ATP7B: variants seen among roughly 807,000 people sequenced by gnomAD.
ATP7B encodes ATPase copper transporting beta.
ATP7B carries 113 observed loss-of-function variants against 118.9 expected under a neutral mutation model. That is an observed-to-expected ratio of 0.95 (90% CI 0.82 to 1.11). The LOEUF (loss-of-function observed/expected upper bound fraction) is 1.11. Ranked by LOEUF, ATP7B falls within the 50% of genes most tolerant of loss-of-function variation. The pLI, the probability that ATP7B is intolerant of heterozygous loss-of-function variation, is 0.00. For synonymous variants in ATP7B, 777 were observed against 727.4 expected (o/e 1.07, Z -1.10); for missense variants, 1,867 against 1,871.4 (o/e 1.00, Z 0.04).
intron 5 of ATP7B, among the ~76,000 whole-genome samples, chr13:51,963,975 T>C (rs1457726929): frequency 8.1e-5 from 12 of 147,814 alleles, no homozygotes; most frequent in Admixed American, 7.4e-4. Context: ...TCTCTTGACC[T>C]GGGAGGCGGA....
At position 51,989,876 on chromosome 13, in the gene ATP7B, G is replaced by A. The variant is rs1043217975; in HGVS notation, c.52-14708C>T. On this transcript the variant is annotated intron_variant, in intron 1 of 20. Transcript: ENST00000242839. ...TATTTCAAGCCTTTCCCAACAAAGA[G>A]GTTTTATTTATTTATTTTTTTTACT... Among the ~76,000 whole-genome samples, 11 of 152,024 alleles carry A rather than the reference G, an allele frequency of 7.2e-5. No homozygotes were observed. The South Asian group carries it at 2.3e-3, about 32-fold the overall frequency.
chr13:51,941,928 A>G (rs1367456112), intron 15 of ATP7B, among the ~76,000 whole-genome samples: 1 of 152,188 alleles, frequency 6.6e-6, no homozygotes, highest in Non-Finnish European at 1.5e-5. Flanking sequence ...CTTGAGAATA[A>G]AAAAGGCCAT....
intron 1 of ATP7B, among the ~76,000 whole-genome samples, chr13:52,002,110 T>C (rs761229333): frequency 6.6e-6 from 1 of 152,204 alleles, no homozygotes; most frequent in African/African-American, 2.4e-5. Flanking sequence ...TTCACATCTA[T>C]TTTGTTCAGT....
At chr13:52,004,602 T>C (rs189365957) in intron 1 of ATP7B, among the ~76,000 whole-genome samples, 16 of 152,358 alleles carry the variant, frequency 1.1e-4, no homozygotes, top group Middle Eastern at 6.8e-3. Context: ...TTTTTATTCC[T>C]TATTTTTATT....
intron 1 of ATP7B, among the ~76,000 whole-genome samples, chr13:52,006,825 T>C (rs368826539): frequency 1.3e-5 from 2 of 152,168 alleles, no homozygotes; most frequent in East Asian, 3.8e-4. Flanking sequence ...TGCTCCTGTG[T>C]GCCCAATCAA....
At chr13:52,007,099 G>A (rs1953807496) in intron 1 of ATP7B, among the ~76,000 whole-genome samples, 1 of 152,158 alleles carries the variant, frequency 6.6e-6, no homozygotes, top group African/African-American at 2.4e-5. Flanking sequence ...AAACAATGTG[G>A]AGAAATCATG....
rs1801244 is a variant in ATP7B at position 51,970,669 on chromosome 13, C to A, written c.1366G>T (p.Val456Leu). 16 of 1,613,908 alleles carry A rather than the reference C, an allele frequency of 9.9e-6. No homozygotes were observed. The South Asian group carries it at 1.6e-4, about 17-fold the overall frequency. ...CCAGTGTGGGGAGCCACTTCCTGCA[C>A]AGATGTAGGTGTACCATCTGTAGTT... The part of the protein sequence containing the change: ...VQTTDGTPTS[V>L]QEVAPHTGRL... The change falls in exon 3 of 21, where the codon GTG becomes TTG. Residue 456 changes from valine (V) to leucine (L), a missense_variant. Val to Leu is a conservative substitution (Grantham distance 32). Coordinates refer to ENST00000242839, the MANE Select transcript of ATP7B (RefSeq NM_000053.4).
At chr13:51,976,003 C>G (rs1027139156) in intron 1 of ATP7B, among the ~76,000 whole-genome samples, 2 of 152,214 alleles carry the variant, frequency 1.3e-5, no homozygotes, top group Non-Finnish European at 2.9e-5. Context: ...AATTAAAGAA[C>G]CTGTTTTCTT....
At chr13:51,995,963 A>C (rs1953186022) in intron 1 of ATP7B, among the ~76,000 whole-genome samples, 1 of 152,094 alleles carries the variant, frequency 6.6e-6, no homozygotes, top group Non-Finnish European at 1.5e-5. Flanking sequence ...GGCCATGTGC[A>C]CTCCTAGAAA....
At chr13:51,941,003 AAGG>A (rs1298237385) in intron 16 of ATP7B, 75 bp downstream of exon 16, 20 of 1,589,788 alleles carry the variant, frequency 1.3e-5, no homozygotes, top group Non-Finnish European at 1.7e-5. Context: ...TTCTTTTATA[AAGG>A]AGGACTCTTT....
intron 1 of ATP7B, among the ~76,000 whole-genome samples, chr13:51,979,827 A>C (rs565216387): frequency 6.6e-6 from 1 of 152,328 alleles, no homozygotes; most frequent in East Asian, 1.9e-4. Context: ...GTTTCTGCCA[A>C]AAGGGTTTGC....
chr13:51,969,147 A>T (rs1381116500), intron 3 of ATP7B, among the ~76,000 whole-genome samples: 1 of 151,444 alleles, frequency 6.6e-6, no homozygotes, highest in South Asian at 2.1e-4. Flanking sequence ...AAAAAAAAAA[A>T]GCTCCCCAGG....
chr13:51,945,283 A>G (rs1957576250), intron 13 of ATP7B, among the ~76,000 whole-genome samples: 1 of 152,036 alleles, frequency 6.6e-6, no homozygotes, highest in Non-Finnish European at 1.5e-5. Context: ...CCCCTCCCTC[A>G]ACGGCCTCAT....
rs113829533 is a variant in ATP7B, at chr13:51,968,414, G to GT, written c.1707+29dup. 4.9e-4 allele frequency: 785 copies of GT among 1,614,138 alleles called. 2 individuals are homozygous for GT. In the African/African-American group the frequency reaches 8.9e-3, roughly 18 times the overall value. On this transcript the variant is annotated intron_variant, in intron 4 of 20. Coordinates refer to ENST00000242839, the MANE Select transcript of ATP7B (RefSeq NM_000053.4). Reference sequence around the variant, plus strand: ...CCAAAATGCAAACTGTCAGAAGCCTGTAACCCCGTAACGCACCCACAGTAC... The same window carrying GT: ...CCAAAATGCAAACTGTCAGAAGCCTGTTAACCCCGTAACGCACCCACAGTAC...
intron 1 of ATP7B, among the ~76,000 whole-genome samples, chr13:52,004,292 C>G (rs1953672602): frequency 6.6e-6 from 1 of 152,156 alleles, no homozygotes; most frequent in African/African-American, 2.4e-5. Context: ...ATTATCCTTG[C>G]CTTTCCCTTA....
chr13:51,973,652 T>C (rs568775104), intron 2 of ATP7B, among the ~76,000 whole-genome samples: 1 of 152,334 alleles, frequency 6.6e-6, no homozygotes, highest in African/African-American at 2.4e-5. Flanking sequence ...AAGAAACAAA[T>C]TCCATATCTT....
At chr13:51,962,985 G>A (rs541623242) in intron 5 of ATP7B, among the ~76,000 whole-genome samples, 85 of 152,044 alleles carry the variant, frequency 5.6e-4, no homozygotes, top group Non-Finnish European at 1.1e-3. Flanking sequence ...CCAGCTACTC[G>A]GGAGGCTGAG....
chr13:51,935,444 T>C lies in ATP7B; in HGVS notation c.4124+149A>G. The C allele has an allele frequency of 3.4e-6, 3 of 876,700 alleles. No individual in the cohort carries two copies. The South Asian group carries it at 4.6e-5, about 13-fold the overall frequency. 54.3% of individuals were successfully genotyped at this position (876,700 alleles called of 1,614,324 possible). Reference sequence around the variant, plus strand: ...TCATGGTGCTGATAAGTTACATGCATGCACACCAGGCTCCATGTGGGCTGC... The same window carrying C: ...TCATGGTGCTGATAAGTTACATGCACGCACACCAGGCTCCATGTGGGCTGC... On this transcript the variant is annotated intron_variant, in intron 20 of 20. Coordinates refer to ENST00000242839, the MANE Select transcript of ATP7B (RefSeq NM_000053.4).
chr13:51,970,456 G>T, intron 3 of ATP7B, 36 bp downstream of exon 3: 1 of 1,613,754 alleles, frequency 6.2e-7, no homozygotes, highest in Non-Finnish European at 8.5e-7. Flanking sequence ...TCTATACGCA[G>T]CATTCCTAAG....
Sources: gnomAD v4.1 joint callset for allele counts (sites outside exome capture counted in the v4.1 genomes callset) on GRCh38, gnomAD v4.1.1 for gene constraint, MANE v1.5 for transcripts, NCBI Gene and HGNC (gene_info 2026-07-23, HGNC 2026-07-21) for gene names.